Variants in DEF8 observed in about 807,000 individuals in gnomAD.
DEF8 encodes differentially expressed in FDCP 8 homolog, also known as DEF-8.
In DEF8, 38 loss-of-function variants were observed where a neutral mutation model predicts 59.1. The ratio of observed to expected loss-of-function variants is 0.64; its 90% CI spans 0.50 to 0.84. The LOEUF is 0.84. Among genes scored for constraint, DEF8 ranks in the 40% least tolerant of loss-of-function variants. The probability of loss-of-function intolerance (pLI) is 0.00; values close to 1 mark genes in which losing one functional copy is unlikely to be tolerated. For synonymous variants in DEF8, 265 were observed against 250.1 expected (o/e 1.06, Z -0.56); for missense variants, 557 against 615.2 (o/e 0.91, Z 1.00).
rs1460900642 is a variant in DEF8, at chr16:89,957,563, G to A, written c.275G>A (p.Cys92Tyr). Residue 92 changes from cysteine (C) to tyrosine (Y), a missense_variant, in exon 5 of 13, where the codon TGC becomes TAC. Physicochemically the swap from Cys to Tyr is radical, Grantham distance 194. Transcript: ENST00000563594. Reference protein sequence around the residue: ...VQQLRQAIEECKQVILELPEQ... With the variant: ...VQQLRQAIEEYKQVILELPEQ... The stretch of plus-strand genomic sequence containing the variant: ...CAGCTGCGGCAGGCGATCGAGGAGT[G>A]CAAGCAGGTGATTCTGGAGCTGCCC... The A allele has an allele frequency of 5.0e-6, 8 of 1,592,150 alleles. No individual in the cohort carries two copies. In the South Asian group the frequency reaches 8.0e-5, roughly 16 times the overall value.
At position 89,964,276 on chromosome 16, in the gene DEF8, C is replaced by T. The variant is rs767710505; in HGVS notation, c.1109C>T (p.Thr370Met). Residue 370 changes from threonine (T) to methionine (M), a missense_variant, in exon 11 of 13, where the codon ACG becomes ATG. By Grantham distance (81) the Thr-to-Met change is moderately conservative. Coordinates refer to ENST00000563594, the MANE Select transcript of DEF8 (RefSeq NM_001242818.2). The stretch of plus-strand genomic sequence containing the variant: ...GGCTGCTCGCTCACCGAGATCCACA[C>T]GCTCTTCGCCAAGCACATCAAGCTG... Reference protein sequence around the residue: ...RLGCSLTEIHTLFAKHIKLDC... With the variant: ...RLGCSLTEIHMLFAKHIKLDC... 9.4e-6 allele frequency: 15 copies of T among 1,603,634 alleles called. No homozygotes were observed. The highest frequency in any genetic ancestry group is 1.3e-5 in the African/African-American group (1 of 74,810).
intron 2 of DEF8, among the ~76,000 whole-genome samples, chr16:89,951,976 C>A (rs1018443874): frequency 3.3e-5 from 5 of 151,802 alleles, no homozygotes; most frequent in Non-Finnish European, 7.4e-5. Flanking sequence ...TTCCTGGGTT[C>A]ACGCTATTCT....
At chr16:89,956,296 A>G (rs568498552) in intron 4 of DEF8, among the ~76,000 whole-genome samples, 2 of 151,836 alleles carry the variant, frequency 1.3e-5, no homozygotes, top group African/African-American at 2.4e-5. Flanking sequence ...CTCTACTAAA[A>G]ATACAAAAAA....
Position 89,954,983 on chromosome 16 carries a change from T to C in DEF8, c.125-186T>C, listed in dbSNP as rs966098183. 4.6e-5 allele frequency among the ~76,000 whole-genome samples: 7 copies of C among 152,312 alleles called. No homozygotes were observed. The highest frequency in any genetic ancestry group is 1.3e-4 in the Admixed American group (2 of 15,302). ...GCTCTTTCCTGTCTACACAAGGCTG[T>C]GGGCTCCTCTGTGAATGCAGACTGG... On this transcript the variant is annotated intron_variant, in intron 3 of 12. Transcript: ENST00000563594. This position sits in a 1 kb window ranked among gnomAD's most constrained non-coding sequence, Gnocchi z 4.3.
At chr16:89,953,262 G>A (rs1427762904) in intron 2 of DEF8, among the ~76,000 whole-genome samples, 2 of 152,152 alleles carry the variant, frequency 1.3e-5, no homozygotes, top group Admixed American at 1.3e-4. Flanking sequence ...CCCTCACAAT[G>A]GCCCATTACG....
chr16:89,952,074 T>A (rs1354211248), intron 2 of DEF8, among the ~76,000 whole-genome samples: 1 of 152,140 alleles, frequency 6.6e-6, no homozygotes, highest in Non-Finnish European at 1.5e-5. Flanking sequence ...AGACAGGGTT[T>A]CAATGTGTTA....
chr16:89,965,780 TAGG>T lies in DEF8; in HGVS notation c.1254-78_1254-76del, dbSNP rs2034559592. 3.5e-6 allele frequency: 3 copies of T among 868,890 alleles called. No individual in the cohort carries two copies. The Admixed American group carries it at 6.9e-5, about 20-fold the overall frequency. 53.8% of individuals were successfully genotyped at this position (868,890 alleles called of 1,614,324 possible). ...TTGGTAACGGCTGTAGAGGGGATGA[TAGG>T]AGCTGACCTAGGACGCTTGGGGGGA... is the stretch of plus-strand genomic sequence containing the variant. On this transcript the variant is annotated intron_variant, in intron 12 of 12. Transcript: ENST00000563594.
Position 89,961,106 on chromosome 16 carries a change from G to T in DEF8, c.679+11G>T. On this transcript the variant is annotated intron_variant, in intron 7 of 12. Coordinates refer to ENST00000563594, the MANE Select transcript of DEF8 (RefSeq NM_001242818.2). ...CGCCCATCTCTCTGCGTGAGTGGTG[G>T]CAGGGAGAGAAGAGGGTGAGGGAGC... 2 of 1,606,758 alleles carry T rather than the reference G, an allele frequency of 1.2e-6. No individual in the cohort carries two copies. The highest frequency in any genetic ancestry group is 2.2e-5 in the East Asian group (1 of 44,640).
chr16:89,965,743 C>G lies in DEF8; in HGVS notation c.1254-118C>G, dbSNP rs1040890658. 4.2e-5 allele frequency: 27 copies of G among 643,804 alleles called. No individual in the cohort carries two copies. The East Asian group carries it at 7.8e-4, about 19-fold the overall frequency. The allele number at this position is 643,804 out of a possible 1,614,324, so 39.9% of individuals were successfully genotyped here. On this transcript the variant is annotated intron_variant, in intron 12 of 12. Transcript: ENST00000563594. ...GTCACTTGCATCTGGCTGCAGACTC[C>G]GACTCTGCCCTTTGGTAACGGCTGT... is the stretch of plus-strand genomic sequence containing the variant.
chr16:89,963,880 A>AG, intron 10 of DEF8: 1 of 527,024 alleles, frequency 1.9e-6, no homozygotes. Context: ...AAGATAGAGA[A>AG]GGAAGGGTGG....
intron 5 of DEF8, 115 bp from the exon 6 acceptor site, chr16:89,958,899 T>A (rs1050653542): frequency 6.6e-7 from 1 of 1,522,930 alleles, no homozygotes; most frequent in Non-Finnish European, 8.8e-7. Context: ...GTGCTGAAAC[T>A]CACAATCTCT....
At chr16:89,965,829 T>C in intron 12 of DEF8, 32 bp from the exon 13 acceptor site, 1 of 1,489,650 alleles carries the variant, frequency 6.7e-7, no homozygotes, top group Non-Finnish European at 9.3e-7. Flanking sequence ...GAGTTTCCTG[T>C]GCAGAGAGCC....
intron 6 of DEF8, among the ~76,000 whole-genome samples, chr16:89,960,334 C>T (rs903881724): frequency 2.6e-5 from 4 of 151,902 alleles, no homozygotes; most frequent in Admixed American, 6.6e-5. Flanking sequence ...GGTTTGGAAA[C>T]GGAATGTAAC....
chr16:89,964,120 G>A, intron 10 of DEF8, 50 bp from the exon 11 acceptor site: 1 of 1,613,372 alleles, frequency 6.2e-7, no homozygotes, highest in Non-Finnish European at 8.5e-7. Flanking sequence ...GGTGGGCGGT[G>A]GGAGGGGCCC....
Position 89,948,798 on chromosome 16 carries a change from T to TG in DEF8, c.-123dup. 1.0e-6 allele frequency: 1 copy of TG among 976,650 alleles called. No individual in the cohort carries two copies. The highest frequency in any genetic ancestry group is 1.2e-6 in the Non-Finnish European group (1 of 827,824). 60.5% of individuals were successfully genotyped at this position (976,650 alleles called of 1,614,324 possible). A position where few individuals can be genotyped will look rare whatever the true frequency, so the allele number is the denominator to read the frequency against. The stretch of plus-strand genomic sequence containing the variant: ...GGATCCAGCGCAGCCGGGAGACAGA[T>TG]GCGAGGCGGCGGTCAGGTGAGCGGC... On this transcript the variant is annotated 5_prime_UTR_variant, in exon 1 of 13. It removes the in-frame stop codon of an upstream open reading frame in the 5' UTR. Coordinates refer to ENST00000563594, the MANE Select transcript of DEF8 (RefSeq NM_001242818.2).
Position 89,948,841 on chromosome 16 carries a change from G to C in DEF8, c.-108+27G>C, listed in dbSNP as rs944187363. On this transcript the variant is annotated intron_variant, in intron 1 of 12. Transcript: ENST00000563594. ...TGAGCGGCGCGGGGCCGGCGGGGTCGGGGCCGGCGGGGACGGGGCCGGCGG... is the reference window on the plus strand; with the variant it reads ...TGAGCGGCGCGGGGCCGGCGGGGTCCGGGCCGGCGGGGACGGGGCCGGCGG... 1.7e-4 allele frequency: 150 copies of C among 865,040 alleles called. 1 individual carries two copies. The highest frequency in any genetic ancestry group is 1.9e-4 in the Non-Finnish European group (144 of 745,702). The allele number at this position is 865,040 out of a possible 1,614,324, so 53.6% of individuals were successfully genotyped here. A position where few individuals can be genotyped will look rare whatever the true frequency, so the allele number is the denominator to read the frequency against.
At position 89,961,747 on chromosome 16, in the gene DEF8, C is replaced by A; in HGVS notation, c.690C>A (p.Pro230=). 6.2e-7 allele frequency: 1 copy of A among 1,613,426 alleles called. No individual in the cohort carries two copies. The highest frequency in any genetic ancestry group is 8.5e-7 in the Non-Finnish European group (1 of 1,179,992). ...CCTCTGACCCTGCAGGGGGTGTGCC[C>A]AGTGAGGCCAGGCAGTGCGACTACA... The part of the protein sequence containing the change: ...CRAPISLRGV[P]SEARQCDYTG... Residue 230 remains proline (P), a synonymous_variant, in exon 8 of 13, where the codon CCC becomes CCA. Coordinates refer to ENST00000563594, the MANE Select transcript of DEF8 (RefSeq NM_001242818.2).
At chr16:89,964,376 C>A in intron 11 of DEF8, 66 bp downstream of exon 11, 2 of 1,538,886 alleles carry the variant, frequency 1.3e-6, no homozygotes, top group Non-Finnish European at 1.8e-6. Context: ...GCAGGAGAAG[C>A]AGCCCAGCCC....
chr16:89,957,722 G>C, intron 5 of DEF8, 62 bp downstream of exon 5: 1 of 1,461,696 alleles, frequency 6.8e-7, no homozygotes, highest in Middle Eastern at 2.3e-4. Flanking sequence ...TGTGGAACTA[G>C]GAGGACCCTG....
Sources: allele counts gnomAD v4.1 joint callset (sites outside exome capture counted in the v4.1 genomes callset), GRCh38; gene constraint gnomAD v4.1.1; non-coding constraint Gnocchi (gnomAD v3.1); transcripts MANE v1.5; gene names NCBI Gene and HGNC (gene_info 2026-07-23, HGNC 2026-07-21).